The following PTPRD variants were observed in gnomAD, a reference collection of about 807,000 sequenced individuals.
PTPRD encodes the protein receptor-type tyrosine-protein phosphatase delta.
A neutral mutation model predicts 214.5 loss-of-function variants in PTPRD; 34 were observed. The observed-to-expected ratio is 0.16, with a 90% CI of 0.12 to 0.21. The LOEUF is 0.21. PTPRD is among the 10% of genes least tolerant of loss of function. PTPRD has a pLI of 1.00. For synonymous variants in PTPRD, 1,128 were observed against 845.7 expected (o/e 1.33, Z -5.79); for missense variants, 2,545 against 2,398.7 (o/e 1.06, Z -1.27).
intron 9 of PTPRD, among the ~76,000 whole-genome samples, chr9:9,316,854 T>C (rs1963455375): frequency 6.6e-6 from 1 of 152,176 alleles, no homozygotes; most frequent in Admixed American, 6.5e-5. Context: ...CAGTGAATGA[T>C]CTGTGATTTG....
intron 7 of PTPRD, among the ~76,000 whole-genome samples, chr9:9,702,014 G>T (rs995731298): frequency 1.3e-5 from 2 of 152,196 alleles, no homozygotes; most frequent in South Asian, 2.1e-4. Flanking sequence ...CACTACTAGG[G>T]GTAGCTGAGG....
intron 2 of PTPRD, among the ~76,000 whole-genome samples, chr9:10,428,377 T>A (rs2098645117): frequency 2.6e-5 from 4 of 152,082 alleles, no homozygotes; most frequent in Admixed American, 2.6e-4. Context: ...GGCTAACTCA[T>A]AACAGATCTA....
chr9:10,126,943 G>T (rs974105749), intron 3 of PTPRD, among the ~76,000 whole-genome samples: 1 of 124,846 alleles, frequency 8.0e-6, no homozygotes, highest in Non-Finnish European at 1.7e-5. Flanking sequence ...AGTCTCAAAT[G>T]GACTTTTTTT....
chr9:9,415,941 A>C (rs971500345), intron 8 of PTPRD, among the ~76,000 whole-genome samples: 2 of 152,176 alleles, frequency 1.3e-5, no homozygotes, highest in African/African-American at 2.4e-5. Context: ...AAAAAAGCAG[A>C]GTGCTTTTGA....
chr9:9,764,930 G>C (rs1057163506), intron 6 of PTPRD, among the ~76,000 whole-genome samples: 1 of 152,066 alleles, frequency 6.6e-6, no homozygotes, highest in African/African-American at 2.4e-5. Context: ...CTAACAGCAG[G>C]CTCGAGGTTG....
chr9:8,636,364 A>G (rs1356039362), intron 13 of PTPRD, among the ~76,000 whole-genome samples: 1 of 152,126 alleles, frequency 6.6e-6, no homozygotes, highest in Non-Finnish European at 1.5e-5. Context: ...CAATGGGATG[A>G]GAGGCTTCTG....
chr9:9,045,970 G>T (rs2099671191), intron 10 of PTPRD, among the ~76,000 whole-genome samples: 1 of 152,142 alleles, frequency 6.6e-6, no homozygotes, highest in African/African-American at 2.4e-5. Flanking sequence ...CCTCGGTTCT[G>T]CACAGTTTGT....
At chr9:10,511,996 G>GTATA (rs371474357) in intron 2 of PTPRD, among the ~76,000 whole-genome samples, 1 of 81,886 alleles carries the variant, frequency 1.2e-5, no homozygotes, top group African/African-American at 5.6e-5. Flanking sequence ...ATACGTGTGT[G>GTATA]TATATATATA....
chr9:10,112,306 T>C (rs1313955020), intron 3 of PTPRD, among the ~76,000 whole-genome samples: 3 of 152,214 alleles, frequency 2.0e-5, no homozygotes, highest in Admixed American at 1.3e-4. Flanking sequence ...TCTTATTATC[T>C]TATCCATGGA....
chr9:10,472,969 A>C (rs1005400583), intron 2 of PTPRD, among the ~76,000 whole-genome samples: 1 of 152,064 alleles, frequency 6.6e-6, no homozygotes, highest in Non-Finnish European at 1.5e-5. Context: ...TACTTAATAC[A>C]TTAAGTTTAT....
intron 39 of PTPRD, among the ~76,000 whole-genome samples, chr9:8,374,109 C>T (rs984966155): frequency 1.7e-4 from 22 of 132,766 alleles, no homozygotes; most frequent in African/African-American, 6.0e-4. Context: ...TAATTACACA[C>T]GTGTCTGTGT....
At chr9:10,268,631 G>A (rs1036410537) in intron 3 of PTPRD, among the ~76,000 whole-genome samples, 8 of 152,080 alleles carry the variant, frequency 5.3e-5, no homozygotes, top group Non-Finnish European at 1.2e-4. Flanking sequence ...CTTTTGCTGA[G>A]TTCCATTTGT....
chr9:8,755,652 T>A (rs1301822209), intron 11 of PTPRD, among the ~76,000 whole-genome samples: 1 of 152,134 alleles, frequency 6.6e-6, no homozygotes, highest in Admixed American at 6.5e-5. Flanking sequence ...AATCAAAATT[T>A]AAAATTTCTG....
intron 4 of PTPRD, among the ~76,000 whole-genome samples, chr9:10,026,435 C>A (rs943209665): frequency 3.3e-5 from 5 of 152,110 alleles, no homozygotes; most frequent in Non-Finnish European, 7.4e-5. Context: ...TTTTTAGCAT[C>A]TAAAAATTAC....
intron 14 of PTPRD, among the ~76,000 whole-genome samples, chr9:8,611,375 G>C (rs527798183): frequency 6.6e-6 from 1 of 152,244 alleles, no homozygotes; most frequent in African/African-American, 2.4e-5. Flanking sequence ...TGACCAACCA[G>C]AACATGGGGT....
At chr9:8,713,328 A>T (rs1179276615) in intron 12 of PTPRD, 7 of 848,130 alleles carry the variant, frequency 8.3e-6, no homozygotes, top group Non-Finnish European at 1.4e-5. Context: ...CCTCGGGCAC[A>T]CTAAGAGAGT....
chr9:9,977,438 C>A (rs752628222), intron 4 of PTPRD, among the ~76,000 whole-genome samples: 3 of 152,136 alleles, frequency 2.0e-5, no homozygotes, highest in African/African-American at 4.8e-5. Flanking sequence ...GAGTTTTGTA[C>A]TCTCAGATCT....
At chr9:10,098,575 A>G (rs973262572) in intron 3 of PTPRD, among the ~76,000 whole-genome samples, 2 of 151,696 alleles carry the variant, frequency 1.3e-5, no homozygotes, top group African/African-American at 4.8e-5. Flanking sequence ...TTCAGTGGAA[A>G]GAGGTAGAGG....
chr9:9,976,717 CT>C (rs979226957), intron 4 of PTPRD, among the ~76,000 whole-genome samples: 3 of 51,942 alleles, frequency 5.8e-5, no homozygotes, highest in African/African-American at 2.7e-4. Flanking sequence ...AAAAAATTTA[CT>C]TTTTTTATGT....
Sources: allele counts gnomAD v4.1 joint callset (sites outside exome capture counted in the v4.1 genomes callset), GRCh38; gene constraint gnomAD v4.1.1; transcripts MANE v1.5; gene names NCBI Gene and HGNC (gene_info 2026-07-23, HGNC 2026-07-21).